RALGAPA2: variants seen among roughly 807,000 people sequenced by gnomAD.
RALGAPA2 encodes Ral GTPase activating protein catalytic subunit alpha 2.
RALGAPA2 carries 139 observed loss-of-function variants against 230.4 expected under a neutral mutation model. The observed-to-expected ratio is 0.60, with a 90% CI of 0.53 to 0.69. The LOEUF (loss-of-function observed/expected upper bound fraction) is 0.69. RALGAPA2 is among the 30% of genes least tolerant of loss of function. The pLI is 0.00. For synonymous variants in RALGAPA2, 847 were observed against 837.8 expected (o/e 1.01, Z -0.19); for missense variants, 2,163 against 2,276.0 (o/e 0.95, Z 1.01).
chr20:20,557,321 G>A (rs2064114853), intron 23 of RALGAPA2, among the ~76,000 whole-genome samples: 1 of 151,700 alleles, frequency 6.6e-6, no homozygotes, highest in African/African-American at 2.4e-5. Context: ...AAAAAAAAGG[G>A]GTAAGTAAAA....
chr20:20,525,753 A>G (rs1324054188), intron 28 of RALGAPA2, among the ~76,000 whole-genome samples: 1 of 152,118 alleles, frequency 6.6e-6, no homozygotes, highest in African/African-American at 2.4e-5. Context: ...GATTCTTCCT[A>G]TTCCTTCCGC....
intron 3 of RALGAPA2, among the ~76,000 whole-genome samples, chr20:20,676,003 A>G (rs2073549482): frequency 6.6e-6 from 1 of 152,166 alleles, no homozygotes; most frequent in Non-Finnish European, 1.5e-5. Context: ...ATAATTTCAC[A>G]TCTAGGTACC....
At chr20:20,452,309 T>G (rs1163379871) in intron 37 of RALGAPA2, among the ~76,000 whole-genome samples, 1 of 152,184 alleles carries the variant, frequency 6.6e-6, no homozygotes, top group African/African-American at 2.4e-5. Context: ...CTCAAGACGT[T>G]TTAGCTGGAG....
intron 12 of RALGAPA2, among the ~76,000 whole-genome samples, chr20:20,617,092 C>A (rs775691266): frequency 3.3e-5 from 5 of 152,228 alleles, no homozygotes; most frequent in Middle Eastern, 3.2e-3. Context: ...CAATTTGGTA[C>A]GAGGACAGAC....
At chr20:20,474,681 C>G (rs1030124536) in intron 36 of RALGAPA2, among the ~76,000 whole-genome samples, 24 of 152,144 alleles carry the variant, frequency 1.6e-4, no homozygotes, top group African/African-American at 5.6e-4. Flanking sequence ...AGTTTCTGGC[C>G]TGGCCATTGG....
At chr20:20,701,870 T>G (rs1454049460) in intron 1 of RALGAPA2, among the ~76,000 whole-genome samples, 1 of 151,632 alleles carries the variant, frequency 6.6e-6, no homozygotes, top group African/African-American at 2.4e-5. Flanking sequence ...TGAAACCCCG[T>G]CTCTACTAAA....
intron 1 of RALGAPA2, among the ~76,000 whole-genome samples, chr20:20,701,928 T>C (rs2069388799): frequency 2.6e-5 from 4 of 150,994 alleles, no homozygotes; most frequent in Admixed American, 2.6e-4. Context: ...TAATCCTAGC[T>C]ACTCGGGAGG....
intron 23 of RALGAPA2, among the ~76,000 whole-genome samples, chr20:20,552,470 C>G (rs1391051321): frequency 6.6e-6 from 1 of 152,194 alleles, no homozygotes; most frequent in East Asian, 1.9e-4. Flanking sequence ...AGAGAAGATG[C>G]CTGTCTTTTA....
At chr20:20,421,902 T>C (rs1411566204) in intron 37 of RALGAPA2, among the ~76,000 whole-genome samples, 1 of 152,170 alleles carries the variant, frequency 6.6e-6, no homozygotes, top group Non-Finnish European at 1.5e-5. Context: ...AACTGATGAA[T>C]GGATAAACAA....
rs2059622032 is a variant in RALGAPA2, at chr20:20,392,575, A to G, written c.*714T>C. ...CTAAGATAGGGGCATCACTGTCATG[A>G]CCTGAAGCGCCTCTGCGTGGTGAGG... is the stretch of plus-strand genomic sequence containing the variant. On this transcript the variant is annotated 3_prime_UTR_variant, in exon 40 of 40. Transcript: ENST00000202677. 6.3e-6 allele frequency: 1 copy of G among 157,562 alleles called. No homozygotes were observed. Among genetic ancestry groups the G allele is most frequent in the Non-Finnish European group, 1.4e-5 (1 of 71,008 alleles). 9.8% of individuals were successfully genotyped at this position (157,562 alleles called of 1,614,324 possible).
At position 20,712,197 on chromosome 20, in the gene RALGAPA2, C is replaced by G. The variant is rs2069906651; in HGVS notation, c.106+178G>C. ...ACGGGAGCAGTGCCCGAGGGCCAGGCTGCGGCTTTCTGGAAACAAAGCCCC... is the reference window on the plus strand; with the variant it reads ...ACGGGAGCAGTGCCCGAGGGCCAGGGTGCGGCTTTCTGGAAACAAAGCCCC... On this transcript the variant is annotated intron_variant, in intron 1 of 39. Transcript: ENST00000202677. The surrounding 1 kb of genome is among the most constrained non-coding windows in gnomAD (Gnocchi z 5.5). Among the ~76,000 whole-genome samples, 1 of 152,126 alleles carries G rather than the reference C, an allele frequency of 6.6e-6. No homozygotes were observed.
At chr20:20,568,664 G>A (rs540239099) in intron 23 of RALGAPA2, among the ~76,000 whole-genome samples, 2 of 152,048 alleles carry the variant, frequency 1.3e-5, no homozygotes, top group African/African-American at 4.8e-5. Context: ...ACACTTTATT[G>A]GTCACTACTG....
At chr20:20,641,864 G>A (rs1320962934) in intron 5 of RALGAPA2, among the ~76,000 whole-genome samples, 1 of 151,720 alleles carries the variant, frequency 6.6e-6, no homozygotes, top group Non-Finnish European at 1.5e-5. Flanking sequence ...GTGGAGAAAA[G>A]CCTAAATAAA....
intron 23 of RALGAPA2, among the ~76,000 whole-genome samples, chr20:20,552,943 A>AAAAAC (rs371187764): frequency 0.044 from 6,723 of 152,068 alleles, 166 homozygotes; most frequent in Middle Eastern, 0.058. Context: ...ACGGCCCTTT[A>AAAAAC]AAAACAAAAC....
intron 1 of RALGAPA2, among the ~76,000 whole-genome samples, chr20:20,695,712 T>C (rs1209000247): frequency 2.0e-5 from 3 of 152,188 alleles, no homozygotes; most frequent in Non-Finnish European, 2.9e-5. Context: ...GAGTAAGACA[T>C]AAGGTTCAGT....
intron 19 of RALGAPA2, among the ~76,000 whole-genome samples, chr20:20,583,465 C>T (rs535056884): frequency 1.3e-5 from 2 of 152,284 alleles, no homozygotes; most frequent in South Asian, 4.1e-4. Context: ...CACTATGTAT[C>T]ATTCAAGTGG....
intron 20 of RALGAPA2, among the ~76,000 whole-genome samples, chr20:20,581,026 C>T (rs758211931): frequency 1.3e-5 from 2 of 152,140 alleles, no homozygotes; most frequent in South Asian, 4.1e-4. Flanking sequence ...AATCCTTAAG[C>T]CTTATCACAT....
intron 9 of RALGAPA2, among the ~76,000 whole-genome samples, chr20:20,632,637 G>T (rs1287305289): frequency 1.3e-5 from 2 of 152,212 alleles, no homozygotes; most frequent in African/African-American, 2.4e-5. Flanking sequence ...TTGCCAAAGA[G>T]CATGACTGAG....
intron 10 of RALGAPA2, among the ~76,000 whole-genome samples, chr20:20,628,888 CTCTTGTGCCATAAATAAT>C (rs2066577891): frequency 6.6e-6 from 1 of 152,102 alleles, no homozygotes; most frequent in Admixed American, 6.5e-5. Flanking sequence ...CTACCTTTTT[CTCTTGTGCCATAAATAAT>C]TCTATCATAT....
Sources: gnomAD v4.1 joint callset for allele counts (sites outside exome capture counted in the v4.1 genomes callset) on GRCh38, gnomAD v4.1.1 for gene constraint, Gnocchi (gnomAD v3.1) non-coding constraint, MANE v1.5 for transcripts, NCBI Gene and HGNC (gene_info 2026-07-23, HGNC 2026-07-21) for gene names.